The following SEMA6D variants were observed in gnomAD, a reference collection of about 807,000 sequenced individuals.
The protein encoded by SEMA6D is semaphorin-6D.
SEMA6D carries 35 observed loss-of-function variants against 106.6 expected under a neutral mutation model. That is an observed-to-expected ratio of 0.33 (90% CI 0.25 to 0.44). The LOEUF (loss-of-function observed/expected upper bound fraction) is 0.44. Ranked by LOEUF, SEMA6D falls within the 20% of genes least tolerant of loss-of-function variation. SEMA6D has a pLI of 1.00. For missense variants in SEMA6D, 1,185 were observed against 1,345.9 expected, an observed-to-expected ratio of 0.88 and a Z score of 1.87; for synonymous variants, 499 against 487.7, an observed-to-expected ratio of 1.02 and a Z score of -0.31.
intron 3 of SEMA6D, among the ~76,000 whole-genome samples, chr15:47,590,719 A>G (rs1367950721): frequency 2.0e-5 from 3 of 152,124 alleles, no homozygotes; most frequent in Non-Finnish European, 4.4e-5. Flanking sequence ...GCTTGGACCA[A>G]TGCAGCTGCA....
intron 4 of SEMA6D, among the ~76,000 whole-genome samples, chr15:47,656,313 C>G (rs777910272): frequency 7.2e-5 from 11 of 152,180 alleles, no homozygotes; most frequent in Non-Finnish European, 1.5e-4. Flanking sequence ...TGTAGCTCCC[C>G]TAAGAACAAT....
chr15:47,222,130 CCCAGTCTGTTTGA>C (rs1340203723), intron 1 of SEMA6D, among the ~76,000 whole-genome samples: 1 of 152,152 alleles, frequency 6.6e-6, no homozygotes, highest in Non-Finnish European at 1.5e-5. Flanking sequence ...AACACAAGTT[CCCAGTCTGTTTGA>C]CCAGGGAATC....
chr15:47,486,383 A>G (rs1189166444), intron 3 of SEMA6D, among the ~76,000 whole-genome samples: 1 of 152,246 alleles, frequency 6.6e-6, no homozygotes, highest in Non-Finnish European at 1.5e-5. Context: ...GTAAGAGAGC[A>G]CTGTAGGCAA....
chr15:47,675,649 A>G (rs1414380685), intron 4 of SEMA6D, among the ~76,000 whole-genome samples: 1 of 152,182 alleles, frequency 6.6e-6, no homozygotes, highest in Non-Finnish European at 1.5e-5. Flanking sequence ...TTTTCTTTAT[A>G]TAAGAAAAAA....
intron 1 of SEMA6D, among the ~76,000 whole-genome samples, chr15:47,743,440 A>G (rs2080936895): frequency 6.6e-6 from 1 of 152,102 alleles, no homozygotes; most frequent in Admixed American, 6.5e-5. Flanking sequence ...AACAAGAACT[A>G]TTAAAACCCT....
chr15:47,356,949 AG>A (rs1287611036), intron 1 of SEMA6D, among the ~76,000 whole-genome samples: 2 of 152,218 alleles, frequency 1.3e-5, no homozygotes, highest in Non-Finnish European at 2.9e-5. Flanking sequence ...GTGATCATAT[AG>A]GGGAATAGAG....
chr15:47,675,886 G>T (rs1464068550), intron 4 of SEMA6D, among the ~76,000 whole-genome samples: 4 of 149,058 alleles, frequency 2.7e-5, no homozygotes, highest in Non-Finnish European at 4.4e-5. Flanking sequence ...TGGTTCTTGA[G>T]ATTATTGGCT....
At chr15:47,766,472 AAG>A in intron 15 of SEMA6D, 142 bp from the exon 16 acceptor site, 1 of 709,828 alleles carries the variant, frequency 1.4e-6, no homozygotes, top group Non-Finnish European at 2.3e-6. Context: ...TCATTTTAGC[AAG>A]TTATGTTAAA....
At chr15:47,515,131 C>G (rs1325308359) in intron 3 of SEMA6D, among the ~76,000 whole-genome samples, 1 of 152,122 alleles carries the variant, frequency 6.6e-6, no homozygotes, top group Admixed American at 6.6e-5. Flanking sequence ...ATTGGCTGTT[C>G]CTTCTGCCTA....
chr15:47,415,147 A>G lies in SEMA6D; in HGVS notation c.-159+2675A>G, dbSNP rs959523822. On this transcript the variant is annotated intron_variant, in intron 2 of 19. Transcript: ENST00000558014. ...CTTCATCGATCTGGTCTGTGTTTTT[A>G]CATTGAATGAAGGCTTACAGTTGCT... Among the ~76,000 whole-genome samples the G allele has an allele frequency of 7.2e-5, 11 of 152,198 alleles. 1 individual carries two copies. The highest frequency in any genetic ancestry group is 1.5e-4 in the Non-Finnish European group (10 of 68,030).
intron 1 of SEMA6D, among the ~76,000 whole-genome samples, chr15:47,261,088 A>G (rs1295790058): frequency 6.6e-6 from 1 of 152,206 alleles, no homozygotes; most frequent in Non-Finnish European, 1.5e-5. Context: ...TGTACACAGC[A>G]ATGAGGAACA....
Position 47,771,066 on chromosome 15 carries a change from C to G in SEMA6D, c.2503C>G (p.His835Asp). 6.2e-7 allele frequency: 1 copy of G among 1,614,144 alleles called. No individual in the cohort carries two copies. Among genetic ancestry groups the G allele is most frequent in the Non-Finnish European group, 8.5e-7 (1 of 1,180,002 alleles). ...TGCCATTGTTCTTCCAAATGCTACC[C>G]ATGACTACAACACGTCTTTCTCAAA... is the stretch of plus-strand genomic sequence containing the variant. ...PSAIVLPNAT[H>D]DYNTSFSNSN... is the part of the protein sequence containing the mutation. Residue 835 changes from histidine to aspartate, a missense_variant, in exon 19 of 19, where the codon CAT becomes GAT. By Grantham distance (81) the His-to-Asp change is moderately conservative. This residue lies in a region of SEMA6D where 750 missense variants were observed against 783.5 expected (regional missense o/e 0.96). Coordinates refer to ENST00000536845, the MANE Select transcript of SEMA6D (RefSeq NM_001358351.3).
chr15:47,532,112 C>G (rs573965655), intron 3 of SEMA6D, among the ~76,000 whole-genome samples: 1 of 152,114 alleles, frequency 6.6e-6, no homozygotes, highest in Non-Finnish European at 1.5e-5. Flanking sequence ...CATTCTCAAG[C>G]CTCAATGTAA....
intron 4 of SEMA6D, among the ~76,000 whole-genome samples, chr15:47,692,365 T>A (rs2078606744): frequency 6.6e-6 from 1 of 152,126 alleles, no homozygotes. Context: ...ATATTAAATG[T>A]GCACCCACTT....
At chr15:47,533,536 T>C (rs557189386) in intron 3 of SEMA6D, among the ~76,000 whole-genome samples, 2 of 152,200 alleles carry the variant, frequency 1.3e-5, no homozygotes, top group Admixed American at 6.6e-5. Context: ...GTAGATTCAC[T>C]TTCTCTAGGG....
At chr15:47,348,218 A>G (rs1410196975) in intron 1 of SEMA6D, among the ~76,000 whole-genome samples, 2 of 152,134 alleles carry the variant, frequency 1.3e-5, no homozygotes, top group Non-Finnish European at 2.9e-5. Flanking sequence ...TGAGCTCTAG[A>G]GCCAACCAGA....
In SEMA6D at chr15:47,772,019, T is replaced by C; in HGVS notation, c.*234T>C. ...GGTGCTGGTCATTCCATTTCTTTTG[T>C]TTGAAGCTAAAGAGATGTGTAGCTC... On this transcript the variant is annotated 3_prime_UTR_variant, in exon 19 of 19. Transcript: ENST00000536845. The C allele has an allele frequency of 1.9e-6, 1 of 525,152 alleles. No individual in the cohort carries two copies. The highest frequency in any genetic ancestry group is 3.4e-6 in the Non-Finnish European group (1 of 295,848). The allele number at this position is 525,152 out of a possible 1,614,324, so 32.5% of individuals were successfully genotyped here. A position where few individuals can be genotyped will look rare whatever the true frequency, so the allele number is the denominator to read the frequency against.
At position 47,762,201 on chromosome 15, in the gene SEMA6D, T is replaced by C. The variant is rs1442120991; in HGVS notation, c.540T>C (p.Asp180=). 1.1e-5 allele frequency: 17 copies of C among 1,613,640 alleles called. No individual in the cohort carries two copies. Among genetic ancestry groups the C allele is most frequent in the Non-Finnish European group, 1.4e-5 (17 of 1,179,620 alleles). The change falls in exon 8 of 19, where the codon GAT becomes GAC. Residue 180 remains aspartate (D), a splice_region_variant and synonymous_variant. Transcript: ENST00000536845. ...CCAAAATTATACCTTTGGTTTCAGA[T>C]GGGAAGCTGTATTCTGCCACAGTGG... The part of the protein sequence containing the change: ...ARQTNVALFA[D]GKLYSATVAD...
chr15:47,250,267 C>T (rs1198152080), intron 1 of SEMA6D, among the ~76,000 whole-genome samples: 1 of 151,786 alleles, frequency 6.6e-6, no homozygotes, highest in Non-Finnish European at 1.5e-5. Context: ...CAGAACAAGA[C>T]ACGACATACT....
Sources: gnomAD v4.1 joint callset for allele counts (sites outside exome capture counted in the v4.1 genomes callset) on GRCh38, gnomAD v4.1.1 for gene constraint, gnomAD v4.1.1 regional missense constraint, MANE v1.5 for transcripts, NCBI Gene and HGNC (gene_info 2026-07-23, HGNC 2026-07-21) for gene names.